FGR: variants seen among roughly 807,000 people sequenced by gnomAD.
FGR encodes the protein FGR proto-oncogene, Src family tyrosine kinase.
FGR carries 26 observed loss-of-function variants against 63.2 expected under a neutral mutation model. That is an observed-to-expected ratio of 0.41 (90% CI 0.30 to 0.57). The LOEUF is 0.57. Among genes scored for constraint, FGR ranks in the 20% least tolerant of loss-of-function variants. FGR has a pLI of 0.27. For synonymous variants in FGR, 286 were observed against 277.7 expected (o/e 1.03, Z -0.30); for missense variants, 511 against 690.8 (o/e 0.74, Z 2.92).
intron 5 of FGR, among the ~76,000 whole-genome samples, chr1:27,620,641 G>A (rs1472425549): frequency 6.6e-6 from 1 of 151,662 alleles, no homozygotes; most frequent in Non-Finnish European, 1.5e-5. Flanking sequence ...ATATAACGGT[G>A]TTATTGTGAG....
chr1:27,628,466 T>C (rs558218103), intron 1 of FGR, among the ~76,000 whole-genome samples: 2 of 151,244 alleles, frequency 1.3e-5, no homozygotes, highest in African/African-American at 2.4e-5. Flanking sequence ...CCTGCTAGCA[T>C]GCACAAATGC....
chr1:27,622,814 C>A (rs1303260844), intron 4 of FGR, among the ~76,000 whole-genome samples: 1 of 152,154 alleles, frequency 6.6e-6, no homozygotes, highest in Non-Finnish European at 1.5e-5. Flanking sequence ...CCGTCTATTT[C>A]ATTTTTATAG....
intron 5 of FGR, among the ~76,000 whole-genome samples, chr1:27,619,001 C>T (rs1333366217): frequency 6.6e-6 from 1 of 152,100 alleles, no homozygotes; most frequent in Non-Finnish European, 1.5e-5. Flanking sequence ...CTCTGACACG[C>T]CCTCTCTTGT....
Position 27,614,871 on chromosome 1 carries a change from T to C in FGR, c.1074A>G (p.Gln358=), listed in dbSNP as rs761409623. The stretch of plus-strand genomic sequence containing the variant: ...TTACCTGGGCTGCCATGTCCACCAA[T>C]TGGGGCAGCCTCAAATCCTGGCCCT... ...NPEGQDLRLP[Q]LVDMAAQVAE... The change falls in exon 10 of 13, where the codon CAA becomes CAG. Residue 358 remains glutamine, a synonymous_variant. Coordinates refer to ENST00000374005, the MANE Select transcript of FGR (RefSeq NM_005248.3). 18 of 1,595,498 alleles carry C rather than the reference T, an allele frequency of 1.1e-5. No individual in the cohort carries two copies. In the East Asian group the frequency reaches 1.6e-4, roughly 14 times the overall value.
chr1:27,617,343 C>G lies in FGR; in HGVS notation c.429-47G>C. On this transcript the variant is annotated intron_variant, in intron 5 of 12. Coordinates refer to ENST00000374005, the MANE Select transcript of FGR (RefSeq NM_005248.3). The surrounding 1 kb of genome is among the most constrained non-coding windows in gnomAD (Gnocchi z 4.5). ...AGTCAGGTACGCTCTGCTCAAACCTCACCTCAGCCTCCTGCACAGTCACCT... is the reference window on the plus strand; with the variant it reads ...AGTCAGGTACGCTCTGCTCAAACCTGACCTCAGCCTCCTGCACAGTCACCT... The G allele has an allele frequency of 7.2e-7, 1 of 1,382,196 alleles. No homozygotes were observed. Among genetic ancestry groups the G allele is most frequent in the Non-Finnish European group, 1.0e-6 (1 of 971,016 alleles). 85.6% of individuals were successfully genotyped at this position (1,382,196 alleles called of 1,614,324 possible). A position where few individuals can be genotyped will look rare whatever the true frequency, so the allele number is the denominator to read the frequency against.
rs866951223 is a variant in FGR at position 27,616,843 on chromosome 1, G to A, written c.682+14C>T. On this transcript the variant is annotated intron_variant, in intron 7 of 12. Coordinates refer to ENST00000374005, the MANE Select transcript of FGR (RefSeq NM_005248.3). This position sits in a 1 kb window ranked among gnomAD's most constrained non-coding sequence, Gnocchi z 4.3. ...CAGTTGGTTGGTTCAGGGATCTGAG[G>A]CCCCTGCCCTCACCCATGTAGTGCT... 6.2e-7 allele frequency: 1 copy of A among 1,613,898 alleles called. No individual in the cohort carries two copies. The highest frequency in any genetic ancestry group is 1.7e-4 in the Middle Eastern group (1 of 6,052).
At chr1:27,618,574 C>G (rs908379206) in intron 5 of FGR, among the ~76,000 whole-genome samples, 6 of 152,042 alleles carry the variant, frequency 3.9e-5, no homozygotes, top group African/African-American at 1.5e-4. Context: ...ATGAAGCTCC[C>G]CACAAACCTC....
In FGR at chr1:27,620,493, G is replaced by A. The variant is rs961762866; in HGVS notation, c.428+1066C>T. ...TTAGCCAGGCATGGTGGCACACACC[G>A]GTAGTATCAGCTACTCAGGAGGCTG... On this transcript the variant is annotated intron_variant, in intron 5 of 12. Transcript: ENST00000374005. 6.5e-4 allele frequency among the ~76,000 whole-genome samples: 98 copies of A among 151,040 alleles called. 1 individual carries two copies. The highest frequency in any genetic ancestry group is 2.1e-3 in the African/African-American group (86 of 41,094).
intron 1 of FGR, among the ~76,000 whole-genome samples, chr1:27,632,774 G>T (rs1434890497): frequency 6.6e-6 from 1 of 152,158 alleles, no homozygotes; most frequent in East Asian, 1.9e-4. Flanking sequence ...GGCAGCCAAG[G>T]GATGGGAGTC....
chr1:27,613,013 C>G lies in FGR; in HGVS notation c.1491G>C (p.Leu497=), dbSNP rs2089724698. The G allele has an allele frequency of 6.2e-7, 1 of 1,614,208 alleles. No homozygotes were observed. The highest frequency in any genetic ancestry group is 1.1e-5 in the South Asian group (1 of 91,086). ...CGAAGGTAGGCCTCTCCTCCGGGTCCAGACGCCAGGTCTGTTCCATGGCCT... is the reference window on the plus strand; with the variant it reads ...CGAAGGTAGGCCTCTCCTCCGGGTCGAGACGCCAGGTCTGTTCCATGGCCT... The part of the protein sequence containing the change: ...LYEAMEQTWR[L]DPEERPTFEY... The change falls in exon 13 of 13, where the codon CTG becomes CTC. Residue 497 remains leucine, a synonymous_variant. Transcript: ENST00000374005.
chr1:27,623,979 C>A (rs1017716745), intron 2 of FGR, 50 bp from the exon 3 acceptor site: 1 of 1,425,566 alleles, frequency 7.0e-7, no homozygotes, highest in Non-Finnish European at 9.6e-7. Flanking sequence ...GGTGCACCAC[C>A]CTGTGCACAC....
In FGR at chr1:27,612,882, C is replaced by G. The variant is rs1220208288; in HGVS notation, c.*32G>C. On this transcript the variant is annotated 3_prime_UTR_variant, in exon 13 of 13. Coordinates refer to ENST00000374005, the MANE Select transcript of FGR (RefSeq NM_005248.3). The stretch of plus-strand genomic sequence containing the variant: ...TCTGGGGATTGGCAAGGACTGGTGG[C>G]CACCGCCAGAGAGGGTTGATGCCCG... 6 of 1,591,856 alleles carry G rather than the reference C, an allele frequency of 3.8e-6. No homozygotes were observed. In the East Asian group the frequency reaches 1.4e-4, roughly 36 times the overall value.
Position 27,615,643 on chromosome 1 carries a change from CTCCCCCGAGCCCAGGCCCTCG to C in FGR, c.838+25_839-31del. On this transcript the variant is annotated intron_variant, in intron 8 of 12. Transcript: ENST00000374005. This position sits in a 1 kb window ranked among gnomAD's most constrained non-coding sequence, Gnocchi z 7.6. ...TCGGAGGCTGTCTTGTCAGGACCCT[CTCCCCCGAGCCCAGGCCCTCG>C]TCCCGGCCCCCGGGAGCTCCGTACC... is the stretch of plus-strand genomic sequence containing the variant. The C allele has an allele frequency of 6.3e-7, 1 of 1,595,716 alleles. No individual in the cohort carries two copies. Among genetic ancestry groups the C allele is most frequent in the Non-Finnish European group, 8.6e-7 (1 of 1,165,494 alleles).
rs1344179643 is a variant in FGR at position 27,617,638 on chromosome 1, G to A, written c.429-342C>T. On this transcript the variant is annotated intron_variant, in intron 5 of 12. Coordinates refer to ENST00000374005, the MANE Select transcript of FGR (RefSeq NM_005248.3). This position sits in a 1 kb window ranked among gnomAD's most constrained non-coding sequence, Gnocchi z 4.5. ...GATGAGGAAGTTGAGGCTCAGAGAG[G>A]GAAAGTGACCTGTCCACAGGCTGGC... Among the ~76,000 whole-genome samples, 1 of 152,136 alleles carries A rather than the reference G, an allele frequency of 6.6e-6. No individual in the cohort carries two copies. The highest frequency in any genetic ancestry group is 1.5e-5 in the Non-Finnish European group (1 of 68,032).
At chr1:27,619,385 T>A (rs1234233689) in intron 5 of FGR, among the ~76,000 whole-genome samples, 1 of 152,124 alleles carries the variant, frequency 6.6e-6, no homozygotes. Context: ...GAGATAAGGT[T>A]TCACCACATT....
chr1:27,620,068 G>A (rs966959816), intron 5 of FGR, among the ~76,000 whole-genome samples: 1 of 152,192 alleles, frequency 6.6e-6, no homozygotes, highest in Non-Finnish European at 1.5e-5. Context: ...TGTAATCTCA[G>A]CACTTTGGGA....
At chr1:27,626,380 G>A (rs879731473) in intron 1 of FGR, 1 of 395,822 alleles carries the variant, frequency 2.5e-6, no homozygotes, top group East Asian at 3.6e-5. Context: ...TCTCTCTCTC[G>A]ATCCCCAGTC....
intron 3 of FGR, chr1:27,623,413 T>C: frequency 1.7e-6 from 1 of 595,944 alleles, no homozygotes. Flanking sequence ...ATCTGGGAAG[T>C]GGCACCTAAA....
chr1:27,618,081 G>T (rs2089847371), intron 5 of FGR, among the ~76,000 whole-genome samples: 1 of 152,196 alleles, frequency 6.6e-6, no homozygotes, highest in South Asian at 2.1e-4. Flanking sequence ...TTCAAACCAA[G>T]GGTGGTGGAA....
Sources: allele counts gnomAD v4.1 joint callset (sites outside exome capture counted in the v4.1 genomes callset), GRCh38; gene constraint gnomAD v4.1.1; non-coding constraint Gnocchi (gnomAD v3.1); transcripts MANE v1.5; gene names NCBI Gene and HGNC (gene_info 2026-07-23, HGNC 2026-07-21).